CAMTA2: variants seen among roughly 807,000 people sequenced by gnomAD.
CAMTA2 encodes the protein calmodulin binding transcription activator 2, also known as calmodulin-binding transcription activator 2.
CAMTA2 carries 56 observed loss-of-function variants against 135.7 expected under a neutral mutation model. The ratio of observed to expected loss-of-function variants is 0.41; its 90% CI spans 0.33 to 0.52. The LOEUF is 0.52. Ranked by LOEUF, CAMTA2 falls within the 20% of genes least tolerant of loss-of-function variation. The probability of loss-of-function intolerance (pLI) is 0.16; values close to 1 mark genes in which losing one functional copy is unlikely to be tolerated. For synonymous variants in CAMTA2, 591 were observed against 604.6 expected (o/e 0.98, Z 0.33); for missense variants, 1,358 against 1,553.4 (o/e 0.87, Z 2.11).
At chr17:4,971,293 C>T (rs1378905207) in intron 16 of CAMTA2, among the ~76,000 whole-genome samples, 1 of 152,188 alleles carries the variant, frequency 6.6e-6, no homozygotes, top group Admixed American at 6.5e-5. Context: ...CTCCTAGAAC[C>T]TTGTCCCTAC....
intron 1 of CAMTA2, chr17:4,986,542 G>A: frequency 1.9e-6 from 1 of 521,016 alleles, no homozygotes; most frequent in African/African-American, 1.9e-5. Flanking sequence ...GAGAAGACTG[G>A]CAGGGCTTGG....
chr17:4,982,805 C>G lies in CAMTA2; in HGVS notation c.291G>C (p.Gly97=). 1 of 1,614,130 alleles carries G rather than the reference C, an allele frequency of 6.2e-7. No homozygotes were observed. The highest frequency in any genetic ancestry group is 8.5e-7 in the Non-Finnish European group (1 of 1,180,034). Residue 97 remains glycine, a synonymous_variant, in exon 5 of 23, where the codon GGG becomes GGC. Coordinates refer to ENST00000348066, the MANE Select transcript of CAMTA2 (RefSeq NM_015099.4). ...DGYLWKKRKD[G]KTTREDHMKL... is the part of the protein sequence containing the mutation. ...TCATGTGGTCCTCTCGGGTGGTCTT[C>G]CCATCCTTCCGCTTCTTCCAGAGGT... is the stretch of plus-strand genomic sequence containing the variant.
In CAMTA2 at chr17:4,969,867, A is replaced by G. The variant is rs1972158004; in HGVS notation, c.3189+35T>C. On this transcript the variant is annotated intron_variant, in intron 18 of 22. Coordinates refer to ENST00000348066, the MANE Select transcript of CAMTA2 (RefSeq NM_015099.4). This position sits in a 1 kb window ranked among gnomAD's most constrained non-coding sequence, Gnocchi z 5.6. ...GGAGCCCAGTCTCCCCTGACTGGAGATTGTGTAATTCATCCTGAGACCCCT... is the reference window on the plus strand; with the variant it reads ...GGAGCCCAGTCTCCCCTGACTGGAGGTTGTGTAATTCATCCTGAGACCCCT... 6.2e-7 allele frequency: 1 copy of G among 1,609,598 alleles called. No individual in the cohort carries two copies. The highest frequency in any genetic ancestry group is 1.3e-5 in the African/African-American group (1 of 74,782).
intron 9 of CAMTA2, chr17:4,979,463 T>C (rs924585854): frequency 8.0e-6 from 3 of 374,742 alleles, no homozygotes; most frequent in African/African-American, 6.7e-5. Flanking sequence ...TGAGCCAAGA[T>C]TGTGCCATTG....
chr17:4,983,145 C>A, intron 3 of CAMTA2, 102 bp from the exon 4 acceptor site: 1 of 986,074 alleles, frequency 1.0e-6, no homozygotes, highest in Non-Finnish European at 1.6e-6. Flanking sequence ...TGAGTTCTGG[C>A]AGCTAGTGGA....
rs1972760105 is a variant in CAMTA2, at chr17:4,978,518, C to T, written c.1751G>A (p.Arg584His). The change falls in exon 10 of 23, where the codon CGC becomes CAC. Residue 584 changes from arginine (R) to histidine (H), a missense_variant. Physicochemically the swap from Arg to His is conservative, Grantham distance 29. This residue lies in a region of CAMTA2 where 1,077 missense variants were observed against 1,127.5 expected (regional missense o/e 0.96). Coordinates refer to ENST00000348066, the MANE Select transcript of CAMTA2 (RefSeq NM_015099.4). ...PASLVQPGVL[R>H]CYCPAHEVGL... ...AATCCTCATACCGGGACAGTAGCAG[C>T]GTAAGACACCAGGCTGGACAAGTGA... The T allele has an allele frequency of 2.5e-6, 4 of 1,614,032 alleles. No individual in the cohort carries two copies. The highest frequency in any genetic ancestry group is 2.5e-6 in the Non-Finnish European group (3 of 1,179,914).
At position 4,980,147 on chromosome 17, in the gene CAMTA2, C is replaced by A. The variant is rs1381920356; in HGVS notation, c.1175G>T (p.Gly392Val). The A allele has an allele frequency of 6.3e-7, 1 of 1,591,328 alleles. No homozygotes were observed. The highest frequency in any genetic ancestry group is 8.6e-7 in the Non-Finnish European group (1 of 1,167,918). The change falls in exon 9 of 23, where the codon GGG (glycine) becomes GTG (valine). Residue 392 changes from glycine (G) to valine (V), a missense_variant. Physicochemically the swap from Gly to Val is moderately radical, Grantham distance 109. Around this residue, in one of 4 missense-constraint regions of CAMTA2, gnomAD observed 1,077 missense variants for 1,127.5 expected, o/e 0.96. Transcript: ENST00000348066. This position sits in a 1 kb window ranked among gnomAD's most constrained non-coding sequence, Gnocchi z 5.3. ...NSPQRGQTYG[G>V]GQGVSPDFPE... ...GAAGTCTGGGCTTACTCCCTGCCCC[C>A]CTCCATATGTCTGGCCCCTCTGGGG...
In CAMTA2 at chr17:4,982,947, C is replaced by T. The variant is rs200406758; in HGVS notation, c.203+29G>A. The T allele has an allele frequency of 3.3e-3, 5,311 of 1,614,130 alleles. 11 individuals carry two copies. Among genetic ancestry groups the T allele is most frequent in the Non-Finnish European group, 4.1e-3 (4,800 of 1,179,988 alleles). On this transcript the variant is annotated intron_variant, in intron 4 of 22. Transcript: ENST00000348066. Reference sequence around the variant, plus strand: ...TGTGAACAGAACCCAGGACCCCTGCCACTCCCCCATGTTCTCAAACTTTCT... The same window carrying T: ...TGTGAACAGAACCCAGGACCCCTGCTACTCCCCCATGTTCTCAAACTTTCT...
rs1400418727 is a variant in CAMTA2, at chr17:4,972,865, C to T, written c.2407G>A (p.Val803Met). 1 of 1,613,896 alleles carries T rather than the reference C, an allele frequency of 6.2e-7. No homozygotes were observed. The highest frequency in any genetic ancestry group is 1.7e-5 in the Admixed American group (1 of 60,038). ...TCCTCAAGGCAGCGGGCAAGGCGCA[C>T]ATGACCCCGGGAATGAGCCACAGAC... Reference protein sequence around the residue: ...PLSVAHSRGHVRLARCLEELQ... With the variant: ...PLSVAHSRGHMRLARCLEELQ... Residue 803 changes from valine (V) to methionine (M), a missense_variant, in exon 15 of 23, where the codon GTG (valine) becomes ATG (methionine). Val to Met is a conservative substitution (Grantham distance 21). Around this residue, in one of 4 missense-constraint regions of CAMTA2, gnomAD observed 1,077 missense variants for 1,127.5 expected, o/e 0.96. Coordinates refer to ENST00000348066, the MANE Select transcript of CAMTA2 (RefSeq NM_015099.4).
chr17:4,973,299 G>A, intron 13 of CAMTA2, 46 bp from the exon 14 acceptor site: 2 of 1,493,172 alleles, frequency 1.3e-6, no homozygotes, highest in Non-Finnish European at 9.3e-7. Flanking sequence ...GAGGGAAAAA[G>A]TGGGCAAAGC....
At position 4,973,655 on chromosome 17, in the gene CAMTA2, C is replaced by T. The variant is rs1972441057; in HGVS notation, c.2131G>A (p.Gly711Ser). Reference sequence around the variant, plus strand: ...GCAGCCAGGTGCAGAAGGCTCATGCCCCGGAAGGGGCTTCCATGGGCCAGA... The same window carrying T: ...GCAGCCAGGTGCAGAAGGCTCATGCTCCGGAAGGGGCTTCCATGGGCCAGA... The part of the protein sequence containing the change: ...ERLAHGSPFR[G>S]MSLLHLAAAQ... Residue 711 changes from glycine to serine, a missense_variant, in exon 13 of 23, where the codon GGC (glycine) becomes AGC (serine). By Grantham distance (56) the Gly-to-Ser change is moderately conservative. Coordinates refer to ENST00000348066, the MANE Select transcript of CAMTA2 (RefSeq NM_015099.4). 1.2e-6 allele frequency: 2 copies of T among 1,614,224 alleles called. No homozygotes were observed. Among genetic ancestry groups the T allele is most frequent in the Non-Finnish European group, 8.5e-7 (1 of 1,180,046 alleles).
chr17:4,983,363 A>G (rs539284880), intron 3 of CAMTA2: 69 of 226,076 alleles, frequency 3.1e-4, no homozygotes, highest in South Asian at 1.8e-3. Context: ...GCTCACTGCA[A>G]CCTCTGCCTC....
intron 16 of CAMTA2, among the ~76,000 whole-genome samples, chr17:4,971,783 G>C (rs908638648): frequency 1.6e-4 from 24 of 150,662 alleles, no homozygotes. Context: ...GTGCCTCCTG[G>C]GTTCAAGTGA....
chr17:4,971,001 T>TC (rs1972249212), intron 16 of CAMTA2, among the ~76,000 whole-genome samples: 1 of 152,242 alleles, frequency 6.6e-6, no homozygotes, highest in Non-Finnish European at 1.5e-5. Flanking sequence ...CTCCAGCACT[T>TC]CCTGCTGGAC....
rs1028790988 is a variant in CAMTA2, at chr17:4,969,576, G to A, written c.3261+54C>T. 4.5e-5 allele frequency: 73 copies of A among 1,613,448 alleles called. No individual in the cohort carries two copies. Among genetic ancestry groups the A allele is most frequent in the African/African-American group, 1.2e-4 (9 of 74,900 alleles). ...TGGCAACATTCTGGAATGGTTAGGC[G>A]TGGGTGTGGGTTGGTGGGTTGCTGG... is the stretch of plus-strand genomic sequence containing the variant. On this transcript the variant is annotated intron_variant, in intron 19 of 22. Transcript: ENST00000348066. This position sits in a 1 kb window ranked among gnomAD's most constrained non-coding sequence, Gnocchi z 5.6.
intron 11 of CAMTA2, among the ~76,000 whole-genome samples, chr17:4,975,148 T>A (rs1972537746): frequency 6.6e-6 from 1 of 151,724 alleles, no homozygotes; most frequent in African/African-American, 2.4e-5. Context: ...CCTCCTGAGA[T>A]CAAACAAGGA....
chr17:4,986,466 AAT>A (rs1973313943), intron 1 of CAMTA2, 180 bp from the exon 2 acceptor site: 9 of 577,656 alleles, frequency 1.6e-5, no homozygotes, highest in Non-Finnish European at 2.5e-5. Flanking sequence ...GCCCGGAGCC[AAT>A]ATGAGTGAGC....
At position 4,969,131 on chromosome 17, in the gene CAMTA2, G is replaced by C. The variant is rs1177885637; in HGVS notation, c.3470+19C>G. On this transcript the variant is annotated intron_variant, in intron 21 of 22. Coordinates refer to ENST00000348066, the MANE Select transcript of CAMTA2 (RefSeq NM_015099.4). The surrounding 1 kb of genome is among the most constrained non-coding windows in gnomAD (Gnocchi z 5.6). Reference sequence around the variant, plus strand: ...GTGGATGCAGTGGGTGGGCACAGAGGGCTGGGGCTGGGCCCTACTTGTTGC... The same window carrying C: ...GTGGATGCAGTGGGTGGGCACAGAGCGCTGGGGCTGGGCCCTACTTGTTGC... The C allele has an allele frequency of 6.3e-7, 1 of 1,599,736 alleles. No individual in the cohort carries two copies. Among genetic ancestry groups the C allele is most frequent in the Non-Finnish European group, 8.5e-7 (1 of 1,174,460 alleles).
rs766288319 is a variant in CAMTA2 at position 4,977,109 on chromosome 17, G to A, written c.1849C>T (p.Arg617Cys). Reference protein sequence around the residue: ...SASVLFEYRARRFLSLPSTQL... With the variant: ...SASVLFEYRACRFLSLPSTQL... ...GTACTAGGCAGAGACAGGAATCGGC[G>A]GGCTCGATACTCAAAGAGCACAGAA... Residue 617 changes from arginine to cysteine, a missense_variant, in exon 11 of 23, where the codon CGC (arginine) becomes TGC (cysteine). This residue lies in a region of CAMTA2 where 1,077 missense variants were observed against 1,127.5 expected (regional missense o/e 0.96). Transcript: ENST00000348066. 2.3e-5 allele frequency: 37 copies of A among 1,613,948 alleles called. No individual in the cohort carries two copies. The highest frequency in any genetic ancestry group is 3.1e-5 in the Non-Finnish European group (36 of 1,180,002).
Sources: allele counts gnomAD v4.1 joint callset (sites outside exome capture counted in the v4.1 genomes callset), GRCh38; gene constraint gnomAD v4.1.1; regional missense constraint gnomAD v4.1.1; non-coding constraint Gnocchi (gnomAD v3.1); transcripts MANE v1.5; gene names NCBI Gene and HGNC (gene_info 2026-07-23, HGNC 2026-07-21).